The following SLC24A4 variants were observed in gnomAD, a reference collection of about 807,000 sequenced individuals.
SLC24A4 encodes sodium/potassium/calcium exchanger 4.
A neutral mutation model predicts 79.0 loss-of-function variants in SLC24A4; 53 were observed. That is an observed-to-expected ratio of 0.67 (90% CI 0.54 to 0.84). The LOEUF (loss-of-function observed/expected upper bound fraction) is 0.84. Among genes scored for constraint, SLC24A4 ranks in the 40% least tolerant of loss-of-function variants. The pLI is 0.00. For synonymous variants in SLC24A4, 323 were observed against 323.8 expected, an observed-to-expected ratio of 1.00 and a Z score of 0.03; for missense variants, 731 against 822.0, an observed-to-expected ratio of 0.89 and a Z score of 1.35.
At chr14:92,481,276 T>C (rs1217631764) in intron 12 of SLC24A4, among the ~76,000 whole-genome samples, 5 of 152,348 alleles carry the variant, frequency 3.3e-5, no homozygotes, top group African/African-American at 1.2e-4. Context: ...CAAAGCCCAC[T>C]GTGGATGTCT....
chr14:92,474,856 T>G (rs1450479484), intron 12 of SLC24A4, among the ~76,000 whole-genome samples: 1 of 68,844 alleles, frequency 1.5e-5, no homozygotes, highest in Non-Finnish European at 2.8e-5. Flanking sequence ...TATATATATA[T>G]ATATATATTT....
Position 92,496,354 on chromosome 14 carries a change from G to A in SLC24A4, c.*2726G>A, listed in dbSNP as rs141338062. ...AATTAGGCTTTCATTTTTAAATTAC[G>A]CTTTCATCACTACGCAGGATTACTT... On this transcript the variant is annotated 3_prime_UTR_variant, in exon 17 of 17. Transcript: ENST00000532405. 10 of 152,284 alleles carry A rather than the reference G, an allele frequency of 6.6e-5. No individual in the cohort carries two copies. The highest frequency in any genetic ancestry group is 5.8e-4 in the East Asian group (3 of 5,186). 9.4% of individuals were successfully genotyped at this position (152,284 alleles called of 1,614,324 possible). A position where few individuals can be genotyped will look rare whatever the true frequency, so the allele number is the denominator to read the frequency against.
chr14:92,390,416 C>A (rs1889401149), intron 2 of SLC24A4, among the ~76,000 whole-genome samples: 1 of 152,260 alleles, frequency 6.6e-6, no homozygotes, highest in Middle Eastern at 3.4e-3. Flanking sequence ...TTTTTAAACA[C>A]TCTGAACACT....
intron 2 of SLC24A4, among the ~76,000 whole-genome samples, chr14:92,357,851 A>G (rs550528309): frequency 6.6e-6 from 1 of 152,346 alleles, no homozygotes; most frequent in South Asian, 2.1e-4. Flanking sequence ...TCTTATGTGT[A>G]TTTCACCACA....
chr14:92,388,545 T>G (rs1010584291), intron 2 of SLC24A4, among the ~76,000 whole-genome samples: 1 of 152,214 alleles, frequency 6.6e-6, no homozygotes, highest in Non-Finnish European at 1.5e-5. Flanking sequence ...GCCCACGGCC[T>G]GGTTCGCCTC....
intron 2 of SLC24A4, among the ~76,000 whole-genome samples, chr14:92,342,375 T>TATTC: frequency 7.1e-6 from 1 of 140,168 alleles, no homozygotes; most frequent in Non-Finnish European, 1.6e-5. Context: ...TTTATTTATT[T>TATTC]ATTTATTTAT....
chr14:92,449,265 T>A, intron 10 of SLC24A4, 49 bp downstream of exon 10: 2 of 1,589,248 alleles, frequency 1.3e-6, no homozygotes, highest in Middle Eastern at 1.7e-4. Flanking sequence ...TGGAAGCCAC[T>A]CTCTCCTCTT....
chr14:92,433,399 C>A (rs1317496603), intron 2 of SLC24A4, among the ~76,000 whole-genome samples: 1 of 152,162 alleles, frequency 6.6e-6, no homozygotes, highest in Admixed American at 6.5e-5. Context: ...AGCAATATGG[C>A]TATGAACATT....
chr14:92,430,932 C>A (rs1891834106), intron 2 of SLC24A4, among the ~76,000 whole-genome samples: 1 of 152,236 alleles, frequency 6.6e-6, no homozygotes, highest in Admixed American at 6.5e-5. Flanking sequence ...ACAGAGCAGG[C>A]TCAGCCCCCT....
At chr14:92,407,875 G>GTGTT (rs1303423934) in intron 2 of SLC24A4, among the ~76,000 whole-genome samples, 1 of 150,932 alleles carries the variant, frequency 6.6e-6, no homozygotes, top group African/African-American at 2.4e-5. Context: ...GTGTGTGTGT[G>GTGTT]TGTGTGTGTG....
intron 3 of SLC24A4, among the ~76,000 whole-genome samples, chr14:92,436,492 G>A (rs1595277143): frequency 1.3e-5 from 2 of 152,184 alleles, no homozygotes; most frequent in African/African-American, 2.4e-5. Context: ...TCTATGGCTC[G>A]TTTTTGTTTC....
intron 2 of SLC24A4, among the ~76,000 whole-genome samples, chr14:92,341,981 A>T (rs1886169351): frequency 6.6e-6 from 1 of 152,100 alleles, no homozygotes. Flanking sequence ...GTGAAAAGTG[A>T]CTCAGTGACT....
chr14:92,395,432 A>AACACACACACACACACACACACAC (rs60360408), intron 2 of SLC24A4, among the ~76,000 whole-genome samples: 34 of 144,914 alleles, frequency 2.3e-4, no homozygotes, highest in African/African-American at 7.6e-4. Context: ...AACAAAACAA[A>AACACACACACACACACACACACAC]ACACACACAC....
At chr14:92,407,256 T>C (rs1297457730) in intron 2 of SLC24A4, among the ~76,000 whole-genome samples, 2 of 152,250 alleles carry the variant, frequency 1.3e-5, no homozygotes, top group Non-Finnish European at 2.9e-5. Context: ...CTGAACTTCA[T>C]TGTGCATGTC....
At position 92,421,423 on chromosome 14, in the gene SLC24A4, G is replaced by C. The variant is rs193119667; in HGVS notation, c.242-12489G>C. 2.6e-5 allele frequency among the ~76,000 whole-genome samples: 4 copies of C among 152,184 alleles called. No homozygotes were observed. In the South Asian group the frequency reaches 6.2e-4, roughly 24 times the overall value. ...GGTTCTGATTTCTGTCACTGACCTT[G>C]GTTTTGACTGTGCTTGGGCACCATA... is the stretch of plus-strand genomic sequence containing the variant. On this transcript the variant is annotated intron_variant, in intron 2 of 16. Coordinates refer to ENST00000532405, the MANE Select transcript of SLC24A4 (RefSeq NM_153646.4).
At chr14:92,323,112 G>A (rs1884882316), upstream of SLC24A4, 2 of 152,360 alleles carry the variant, frequency 1.3e-5, no homozygotes, top group South Asian at 4.1e-4. This position sits in a 1 kb window ranked among gnomAD's most constrained non-coding sequence, Gnocchi z 4.9. Context: ...AGGCGGGCAG[G>A]AGGGGAGGAG....
At chr14:92,373,564 A>G (rs1888327123) in intron 2 of SLC24A4, among the ~76,000 whole-genome samples, 1 of 152,172 alleles carries the variant, frequency 6.6e-6, no homozygotes, top group South Asian at 2.1e-4. Context: ...AGACTCTGAG[A>G]TAATGACATT....
At chr14:92,400,257 G>A (rs542805396) in intron 2 of SLC24A4, among the ~76,000 whole-genome samples, 3 of 152,168 alleles carry the variant, frequency 2.0e-5, no homozygotes, top group East Asian at 3.9e-4. Context: ...AGGCCAACAT[G>A]GTGAAACCCC....
intron 10 of SLC24A4, chr14:92,453,051 G>A (rs1893239404): frequency 6.6e-6 from 1 of 152,230 alleles, no homozygotes; most frequent in South Asian, 2.1e-4. Flanking sequence ...TTTGTAACTA[G>A]ACCCTCCTAG....
Sources: allele counts gnomAD v4.1 joint callset (sites outside exome capture counted in the v4.1 genomes callset), GRCh38; gene constraint gnomAD v4.1.1; non-coding constraint Gnocchi (gnomAD v3.1); transcripts MANE v1.5; gene names NCBI Gene and HGNC (gene_info 2026-07-23, HGNC 2026-07-21).